The following KCNH1 variants were observed in gnomAD, a reference collection of about 807,000 sequenced individuals.
KCNH1 encodes the protein potassium voltage-gated channel subfamily H member 1.
KCNH1 carries 27 observed loss-of-function variants against 69.2 expected under a neutral mutation model. The observed-to-expected ratio is 0.39, with a 90% CI of 0.29 to 0.54. The LOEUF (loss-of-function observed/expected upper bound fraction) is 0.54. Among genes scored for constraint, KCNH1 ranks in the 20% least tolerant of loss-of-function variants. KCNH1 has a pLI of 0.68. For synonymous variants in KCNH1, 456 were observed against 487.7 expected, an observed-to-expected ratio of 0.93 and a Z score of 0.86; for missense variants, 798 against 1,261.6, an observed-to-expected ratio of 0.63 and a Z score of 5.57.
At chr1:210,689,091 C>T (rs1681472627) in intron 10 of KCNH1, among the ~76,000 whole-genome samples, 1 of 152,216 alleles carries the variant, frequency 6.6e-6, no homozygotes, top group African/African-American at 2.4e-5. Flanking sequence ...CTTGCTCATC[C>T]AACTTGGCAT....
chr1:210,775,031 C>A (rs1288612728), intron 10 of KCNH1, among the ~76,000 whole-genome samples: 1 of 152,018 alleles, frequency 6.6e-6, no homozygotes, highest in Non-Finnish European at 1.5e-5. Flanking sequence ...TGACTAGCAA[C>A]CTCACATTTC....
chr1:211,002,310 ATACG>A (rs1558563153), intron 6 of KCNH1, among the ~76,000 whole-genome samples: 2 of 142,088 alleles, frequency 1.4e-5, no homozygotes, highest in African/African-American at 5.3e-5. Flanking sequence ...GTATACATGT[ATACG>A]TGTATATATA....
At chr1:210,749,614 G>A (rs1390742044) in intron 10 of KCNH1, among the ~76,000 whole-genome samples, 1 of 152,092 alleles carries the variant, frequency 6.6e-6, no homozygotes, top group African/African-American at 2.4e-5. Context: ...CAGATGATTT[G>A]TGTGCAGATT....
At chr1:210,726,760 G>A (rs1465940643) in intron 10 of KCNH1, among the ~76,000 whole-genome samples, 1 of 152,168 alleles carries the variant, frequency 6.6e-6, no homozygotes, top group African/African-American at 2.4e-5. Context: ...CCCAAACAGG[G>A]TGAGTCAAAA....
chr1:210,862,328 C>T, intron 7 of KCNH1: 1 of 723,080 alleles, frequency 1.4e-6, no homozygotes, highest in East Asian at 2.8e-5. Flanking sequence ...TGCTACTGGG[C>T]CAGGAATAGC....
intron 5 of KCNH1, among the ~76,000 whole-genome samples, chr1:211,079,302 A>C (rs1240753278): frequency 6.6e-6 from 1 of 152,154 alleles, no homozygotes; most frequent in Non-Finnish European, 1.5e-5. Context: ...CAATAACAGG[A>C]TCTGAAATTG....
chr1:210,796,011 T>C (rs192857378), intron 9 of KCNH1, among the ~76,000 whole-genome samples: 4,832 of 131,684 alleles, frequency 0.037, 266 homozygotes, highest in African/African-American at 0.13. Flanking sequence ...ACAAATTAGC[T>C]GGGCATGGTG....
At chr1:210,935,459 G>T (rs950225164) in intron 6 of KCNH1, among the ~76,000 whole-genome samples, 4 of 152,114 alleles carry the variant, frequency 2.6e-5, no homozygotes, top group Non-Finnish European at 5.9e-5. Flanking sequence ...ACTGCAGGGT[G>T]ACTACAATTA....
intron 1 of KCNH1, among the ~76,000 whole-genome samples, chr1:211,113,334 A>T (rs1691506758): frequency 6.6e-6 from 1 of 152,200 alleles, no homozygotes; most frequent in African/African-American, 2.4e-5. Flanking sequence ...TTCTATGAAT[A>T]CCGTTATTGT....
chr1:210,966,058 A>G (rs1276010273), intron 6 of KCNH1, among the ~76,000 whole-genome samples: 3 of 152,138 alleles, frequency 2.0e-5, no homozygotes, highest in Non-Finnish European at 4.4e-5. Context: ...GGAACAGAAT[A>G]GAGGCCTCAG....
intron 10 of KCNH1, among the ~76,000 whole-genome samples, chr1:210,748,695 G>A (rs1285446241): frequency 2.6e-5 from 4 of 152,170 alleles, no homozygotes; most frequent in African/African-American, 7.2e-5. Flanking sequence ...CCCATGCCAG[G>A]CAGGCATCAG....
Position 210,770,275 on chromosome 1 carries a change from T to C in KCNH1, c.2112+5073A>G, listed in dbSNP as rs573297800. The stretch of plus-strand genomic sequence containing the variant: ...ATGCACATGGGACTTAAAACCTAGA[T>C]GATGGGTTGATAGGTGCAGCAAACC... On this transcript the variant is annotated intron_variant, in intron 10 of 10. Coordinates refer to ENST00000271751, the MANE Select transcript of KCNH1 (RefSeq NM_172362.3). 1.2e-3 allele frequency among the ~76,000 whole-genome samples: 180 copies of C among 152,276 alleles called. 1 individual carries two copies. The highest frequency in any genetic ancestry group is 6.2e-3 in the South Asian group (30 of 4,822).
At chr1:210,914,159 C>G (rs1404576990) in intron 7 of KCNH1, among the ~76,000 whole-genome samples, 1 of 152,136 alleles carries the variant, frequency 6.6e-6, no homozygotes, top group Non-Finnish European at 1.5e-5. Context: ...GAACCCATAT[C>G]CTACTTTTTA....
intron 6 of KCNH1, among the ~76,000 whole-genome samples, chr1:210,966,442 G>C (rs946603293): frequency 5.3e-5 from 8 of 152,112 alleles, no homozygotes; most frequent in African/African-American, 1.4e-4. Context: ...TCAGAGTGAA[G>C]AGGCAACCTA....
At chr1:210,946,878 C>A (rs1416683892) in intron 6 of KCNH1, among the ~76,000 whole-genome samples, 1 of 152,160 alleles carries the variant, frequency 6.6e-6, no homozygotes, top group East Asian at 1.9e-4. Flanking sequence ...AGCCAAGTCC[C>A]TACTTATCCT....
intron 7 of KCNH1, among the ~76,000 whole-genome samples, chr1:210,837,939 T>C (rs764903943): frequency 1.3e-5 from 2 of 152,242 alleles, no homozygotes; most frequent in Admixed American, 6.5e-5. Flanking sequence ...ATAGATTCAA[T>C]GCTATTCCTG....
rs61849018 is a variant in KCNH1, at chr1:210,958,744, C to T, written c.1033-38675G>A. ...CATGCATCACAAAGTTCTCCTACCA[C>T]GGTTTTCAACTCCATCAGGTCATTT... On this transcript the variant is annotated intron_variant, in intron 6 of 10. Coordinates refer to ENST00000271751, the MANE Select transcript of KCNH1 (RefSeq NM_172362.3). Among the ~76,000 whole-genome samples, 814 of 152,302 alleles carry T rather than the reference C, an allele frequency of 5.3e-3. 3 individuals are homozygous for T. Among genetic ancestry groups the T allele is most frequent in the Non-Finnish European group, 9.0e-3 (614 of 68,030 alleles).
At chr1:210,930,253 G>C (rs1687655451) in intron 6 of KCNH1, among the ~76,000 whole-genome samples, 1 of 152,126 alleles carries the variant, frequency 6.6e-6, no homozygotes, top group African/African-American at 2.4e-5. Flanking sequence ...AACAAATCTG[G>C]AGGCATCAGA....
In KCNH1 at chr1:210,886,047, A is replaced by C. The variant is rs373365768; in HGVS notation, c.1462+33593T>G. On this transcript the variant is annotated intron_variant, in intron 7 of 10. Coordinates refer to ENST00000271751, the MANE Select transcript of KCNH1 (RefSeq NM_172362.3). ...CCAGCACAGCACTTGAGCTCTGCTA[A>C]GGGACAGACTGCCTACTCATGTGGG... 3.0e-4 allele frequency among the ~76,000 whole-genome samples: 45 copies of C among 152,318 alleles called. No individual in the cohort carries two copies. In the East Asian group the frequency reaches 4.3e-3, roughly 14 times the overall value.
Sources: allele counts gnomAD v4.1 joint callset (sites outside exome capture counted in the v4.1 genomes callset), GRCh38; gene constraint gnomAD v4.1.1; transcripts MANE v1.5; gene names NCBI Gene and HGNC (gene_info 2026-07-23, HGNC 2026-07-21).